Variants in RARB observed in about 807,000 individuals in gnomAD.
RARB encodes the protein HBV-activated protein.
Under a neutral mutation model 51.9 loss-of-function variants are expected in RARB, and 17 were observed. That is an observed-to-expected ratio of 0.33 (90% confidence interval 0.22 to 0.49). RARB has a LOEUF of 0.49. Ranked by LOEUF, RARB falls within the 20% of genes least tolerant of loss-of-function variation. RARB has a pLI of 0.99. For synonymous variants in RARB, 215 were observed against 195.4 expected, an observed-to-expected ratio of 1.10 and a Z score of -0.84; for missense variants, 369 against 550.8, an observed-to-expected ratio of 0.67 and a Z score of 3.30.
At position 25,270,618 on chromosome 3, in the gene RARB, A is replaced by G. The variant is rs147701590; in HGVS notation, c.178+96043A>G. On this transcript the variant is annotated intron_variant, in intron 5 of 11. Transcript: ENST00000383772. ...ATATGCAAAACTTAATGGGGAGAGA[A>G]TAAGCCGTGTTATCCCAGCCTATCA... 2.5e-3 allele frequency among the ~76,000 whole-genome samples: 383 copies of G among 152,330 alleles called. 1 individual carries two copies. Among genetic ancestry groups the G allele is most frequent in the Non-Finnish European group, 4.6e-3 (312 of 68,022 alleles).
chr3:25,085,080 A>G (rs187243960), intron 3 of RARB, among the ~76,000 whole-genome samples: 1 of 152,192 alleles, frequency 6.6e-6, no homozygotes, highest in East Asian at 1.9e-4. Context: ...TGAAGACAGT[A>G]TAAGACATGC....
intron 5 of RARB, among the ~76,000 whole-genome samples, chr3:25,267,613 C>T (rs1056221475): frequency 3.3e-5 from 5 of 152,118 alleles, no homozygotes; most frequent in African/African-American, 7.2e-5. Flanking sequence ...CCTACAGAAC[C>T]TTCTCTTCCC....
chr3:25,130,621 C>T (rs1292499244), intron 3 of RARB, among the ~76,000 whole-genome samples: 2 of 151,872 alleles, frequency 1.3e-5, no homozygotes, highest in African/African-American at 4.8e-5. Flanking sequence ...ATATTTGAAA[C>T]AAGAGAGGGA....
At chr3:25,013,085 A>G (rs1265708715) in intron 2 of RARB, among the ~76,000 whole-genome samples, 1 of 152,102 alleles carries the variant, frequency 6.6e-6, no homozygotes, top group Admixed American at 6.6e-5. Flanking sequence ...AGTATTGCCA[A>G]CCTGATTGGT....
chr3:25,353,453 A>T (rs1173758889), intron 5 of RARB, among the ~76,000 whole-genome samples: 1 of 152,154 alleles, frequency 6.6e-6, no homozygotes, highest in Non-Finnish European at 1.5e-5. Flanking sequence ...GTATCAATAC[A>T]GATTCCTATG....
chr3:25,517,916 C>G (rs1212323948), intron 3 of RARB, among the ~76,000 whole-genome samples: 1 of 152,138 alleles, frequency 6.6e-6, no homozygotes, highest in Admixed American at 6.6e-5. Flanking sequence ...TCTATGAGAT[C>G]ATCCATACAA....
chr3:24,950,212 A>T (rs1281695149), intron 2 of RARB, among the ~76,000 whole-genome samples: 2 of 152,230 alleles, frequency 1.3e-5, no homozygotes, highest in Non-Finnish European at 2.9e-5. Context: ...ACTGCCGTCT[A>T]TAAATTTTCT....
intron 2 of RARB, among the ~76,000 whole-genome samples, chr3:24,869,449 A>C (rs1465765713): frequency 6.6e-6 from 1 of 152,134 alleles, no homozygotes; most frequent in African/African-American, 2.4e-5. Context: ...TGATTCAATA[A>C]TTATAACAAG....
At chr3:25,075,091 A>G (rs4858697) in intron 3 of RARB, among the ~76,000 whole-genome samples, 79,863 of 152,008 alleles carry the variant, frequency 0.53, 22,172 homozygotes, top group Admixed American at 0.65. Context: ...AACATCCTCT[A>G]TGCTTAGCCA....
At chr3:25,119,827 T>C (rs1699750773) in intron 3 of RARB, among the ~76,000 whole-genome samples, 1 of 152,116 alleles carries the variant, frequency 6.6e-6, no homozygotes, top group South Asian at 2.1e-4. Context: ...TGGTCTGTAT[T>C]TTATCACCGA....
intron 5 of RARB, among the ~76,000 whole-genome samples, chr3:25,591,107 T>C (rs997945071): frequency 6.6e-6 from 1 of 152,214 alleles, no homozygotes; most frequent in South Asian, 2.1e-4. Flanking sequence ...GAAAGGCCCC[T>C]GGGCAAGTAT....
chr3:25,012,759 A>T (rs1171301167), intron 2 of RARB, among the ~76,000 whole-genome samples: 3 of 152,130 alleles, frequency 2.0e-5, no homozygotes, highest in Non-Finnish European at 2.9e-5. Context: ...AAAGTGAGAG[A>T]TATACAAAAT....
In RARB at chr3:25,428,892, G is replaced by C; in HGVS notation, c.157+4G>C. Reference sequence around the variant, plus strand: ...CAGCATCGGCACACTGCTCAATGTAGGTTTATTTTTTTCCCTTCTTCTACC... The same window carrying C: ...CAGCATCGGCACACTGCTCAATGTACGTTTATTTTTTTCCCTTCTTCTACC... On this transcript the variant is annotated splice_donor_region_variant and intron_variant, in intron 1 of 7. Coordinates refer to ENST00000330688, the MANE Select transcript of RARB (RefSeq NM_000965.5). 1 of 1,585,778 alleles carries C rather than the reference G, an allele frequency of 6.3e-7. No individual in the cohort carries two copies. Among genetic ancestry groups the C allele is most frequent in the Non-Finnish European group, 8.6e-7 (1 of 1,161,798 alleles).
intron 2 of RARB, among the ~76,000 whole-genome samples, chr3:25,475,652 T>C (rs1327947760): frequency 6.6e-6 from 1 of 152,202 alleles, no homozygotes; most frequent in Non-Finnish European, 1.5e-5. Flanking sequence ...TAAATGTTTG[T>C]TTCTGAATCC....
intron 4 of RARB, among the ~76,000 whole-genome samples, chr3:25,145,124 G>T (rs765831169): frequency 1.3e-4 from 20 of 152,148 alleles, no homozygotes; most frequent in Non-Finnish European, 2.2e-4. Context: ...TTATGTTTCA[G>T]TTGCTTTATT....
chr3:24,962,096 ATTTT>A (rs1696154384), intron 2 of RARB, among the ~76,000 whole-genome samples: 1 of 151,374 alleles, frequency 6.6e-6, no homozygotes, highest in Non-Finnish European at 1.5e-5. Flanking sequence ...CACCTGGCTG[ATTTT>A]TTCTATTTTT....
chr3:24,932,351 CTATGA>C lies in RARB; in HGVS notation c.-380+73605_-380+73609del, dbSNP rs1390013676. Among the ~76,000 whole-genome samples the C allele has an allele frequency of 3.3e-5, 5 of 152,080 alleles. No homozygotes were observed. In the South Asian group the frequency reaches 1.0e-3, roughly 31 times the overall value. On this transcript the variant is annotated intron_variant, in intron 2 of 11. Coordinates refer to the RARB transcript ENST00000383772. ...ATGGGGGATCTGGGAAAATCTGGTA[CTATGA>C]TATGAATGGTGTCCCTTAGACTTAG...
At position 25,343,538 on chromosome 3, in the gene RARB, T is replaced by C. The variant is rs532631105; in HGVS notation, c.179-117655T>C. On this transcript the variant is annotated intron_variant, in intron 5 of 11. Coordinates refer to the RARB transcript ENST00000383772. ...TAGCCAAAATGCTTAAGAAAAACTT[T>C]TTTCCAGAAAAAAAAATTGGAAAAG... Among the ~76,000 whole-genome samples, 416 of 152,126 alleles carry C rather than the reference T, an allele frequency of 2.7e-3. 1 individual carries two copies. Among genetic ancestry groups the C allele is most frequent in the Non-Finnish European group, 4.2e-3 (287 of 67,978 alleles).
At chr3:25,383,021 C>T (rs536433279) in intron 5 of RARB, among the ~76,000 whole-genome samples, 15 of 152,244 alleles carry the variant, frequency 9.9e-5, no homozygotes, top group Admixed American at 4.6e-4. Context: ...TTAGGAGGCC[C>T]GTTGTTAACA....
Sources: allele counts gnomAD v4.1 joint callset (sites outside exome capture counted in the v4.1 genomes callset), GRCh38; gene constraint gnomAD v4.1.1; transcripts MANE v1.5; gene names NCBI Gene and HGNC (gene_info 2026-07-23, HGNC 2026-07-21).